Variants in AUH observed in about 807,000 individuals in gnomAD.
The protein encoded by AUH is methylglutaconyl-CoA hydratase, mitochondrial.
Under a neutral mutation model 42.3 loss-of-function variants are expected in AUH, and 29 were observed. That is an observed-to-expected ratio of 0.69 (90% CI 0.51 to 0.93). The LOEUF (loss-of-function observed/expected upper bound fraction) is 0.93. Ranked by LOEUF, AUH falls within the 40% of genes least tolerant of loss-of-function variation. AUH has a pLI of 0.00. For missense variants in AUH, 452 were observed against 438.1 expected, an observed-to-expected ratio of 1.03 and a Z score of -0.28; for synonymous variants, 174 against 166.4, an observed-to-expected ratio of 1.05 and a Z score of -0.35.
At chr9:91,318,175 G>A (rs939606357) in intron 4 of AUH, among the ~76,000 whole-genome samples, 2 of 151,822 alleles carry the variant, frequency 1.3e-5, no homozygotes, top group African/African-American at 4.8e-5. Flanking sequence ...TTATGCATTG[G>A]GTAAAACATC....
chr9:91,285,899 AC>A (rs1420956152), intron 6 of AUH, among the ~76,000 whole-genome samples: 1 of 152,160 alleles, frequency 6.6e-6, no homozygotes, highest in Non-Finnish European at 1.5e-5. Flanking sequence ...TAAGGAAGTC[AC>A]CTGGGGAAGT....
chr9:91,291,734 A>C (rs972806805), intron 6 of AUH, among the ~76,000 whole-genome samples: 3 of 152,190 alleles, frequency 2.0e-5, no homozygotes, highest in Admixed American at 6.5e-5. Flanking sequence ...TTTAATGATA[A>C]GGTTAACCAC....
chr9:91,231,224 G>A (rs13299818), intron 6 of AUH, among the ~76,000 whole-genome samples: 6 of 152,310 alleles, frequency 3.9e-5, no homozygotes, highest in Middle Eastern at 6.8e-3. Context: ...AGGACCCTCC[G>A]AGCCAGGTGC....
At chr9:91,353,541 GATTTT>G (rs1832156949) in intron 3 of AUH, among the ~76,000 whole-genome samples, 1 of 152,172 alleles carries the variant, frequency 6.6e-6, no homozygotes, top group Non-Finnish European at 1.5e-5. Flanking sequence ...AATGTAAAGA[GATTTT>G]ATTTACCTAT....
At chr9:91,313,980 C>T (rs367628815) in intron 4 of AUH, among the ~76,000 whole-genome samples, 11 of 151,898 alleles carry the variant, frequency 7.2e-5, no homozygotes, top group African/African-American at 2.2e-4. Context: ...CGTGCCACCA[C>T]GCCTGGCTAA....
intron 6 of AUH, among the ~76,000 whole-genome samples, chr9:91,253,828 C>A (rs1186764947): frequency 6.6e-6 from 1 of 152,164 alleles, no homozygotes; most frequent in Non-Finnish European, 1.5e-5. Flanking sequence ...TCTTTGTATA[C>A]TTTAAAGTGT....
chr9:91,257,154 A>G (rs1156854701), intron 6 of AUH, among the ~76,000 whole-genome samples: 6 of 152,168 alleles, frequency 3.9e-5, no homozygotes, highest in Non-Finnish European at 8.8e-5. Flanking sequence ...ATGTAGAGCT[A>G]AAATGGTTAC....
intron 1 of AUH, chr9:91,360,324 T>C (rs1587939782): frequency 6.6e-6 from 1 of 152,266 alleles, no homozygotes; most frequent in African/African-American, 2.4e-5. Context: ...AGTGCTAGTC[T>C]ATGCTTCCAG....
At chr9:91,330,977 T>C (rs552667230) in intron 3 of AUH, among the ~76,000 whole-genome samples, 1 of 152,338 alleles carries the variant, frequency 6.6e-6, no homozygotes, top group Non-Finnish European at 1.5e-5. Context: ...TACAGAATTA[T>C]GTGCTTTTAA....
At chr9:91,252,827 C>A (rs1431413272) in intron 6 of AUH, among the ~76,000 whole-genome samples, 4 of 152,180 alleles carry the variant, frequency 2.6e-5, no homozygotes, top group Admixed American at 2.6e-4. Flanking sequence ...GGTACCAAAA[C>A]AATCTTTTAA....
chr9:91,285,313 G>A (rs968154948), intron 6 of AUH, among the ~76,000 whole-genome samples: 1 of 151,946 alleles, frequency 6.6e-6, no homozygotes, highest in Non-Finnish European at 1.5e-5. Context: ...CCTGTCATGG[G>A]GTGGGGGAAG....
chr9:91,281,544 T>C (rs1265376874), intron 6 of AUH, among the ~76,000 whole-genome samples: 1 of 152,164 alleles, frequency 6.6e-6, no homozygotes, highest in Non-Finnish European at 1.5e-5. Context: ...TACTTAAAAG[T>C]GTACTTGATA....
chr9:91,260,647 T>C (rs976441799), intron 6 of AUH, among the ~76,000 whole-genome samples: 4 of 152,216 alleles, frequency 2.6e-5, no homozygotes, highest in African/African-American at 9.6e-5. Flanking sequence ...ACAATAGAAG[T>C]CTTGCAGAAG....
chr9:91,220,924 C>T lies in AUH; in HGVS notation c.724G>A (p.Val242Ile). 6.2e-7 allele frequency: 1 copy of T among 1,614,232 alleles called. No homozygotes were observed. Among genetic ancestry groups the T allele is most frequent in the Non-Finnish European group, 8.5e-7 (1 of 1,180,040 alleles). Residue 242 changes from valine to isoleucine, a missense_variant, in exon 7 of 10, where the codon GTC (valine) becomes ATC (isoleucine). Transcript: ENST00000375731. ...LAKELIFSAR[V>I]LDGKEAKAVG... ...GCTTTGGCTTCTTTGCCATCGAGGA[C>T]TCGCGCAGAGAATATGAGCTCCTTG... is the stretch of plus-strand genomic sequence containing the variant.
At chr9:91,361,355 C>A (rs1028619608) in intron 1 of AUH, among the ~76,000 whole-genome samples, 1 of 152,196 alleles carries the variant, frequency 6.6e-6, no homozygotes, top group Non-Finnish European at 1.5e-5. Flanking sequence ...GAGCGGAGGG[C>A]GTAAGCTGCA....
At chr9:91,352,847 T>C (rs1260344889) in intron 3 of AUH, among the ~76,000 whole-genome samples, 1 of 152,210 alleles carries the variant, frequency 6.6e-6, no homozygotes, top group Non-Finnish European at 1.5e-5. Flanking sequence ...TTTGCTGTGT[T>C]CTGAGAATGT....
At chr9:91,277,090 C>T (rs981443143) in intron 6 of AUH, among the ~76,000 whole-genome samples, 2 of 151,916 alleles carry the variant, frequency 1.3e-5, no homozygotes, top group Non-Finnish European at 2.9e-5. Context: ...CTTGGAATGC[C>T]GAGATGGGAA....
intron 3 of AUH, among the ~76,000 whole-genome samples, chr9:91,332,858 T>A (rs1057467915): frequency 6.6e-5 from 10 of 152,230 alleles, no homozygotes; most frequent in Admixed American, 6.5e-5. Flanking sequence ...GGCAGAGTTT[T>A]CAGCCCTCTG....
chr9:91,220,801 A>G lies in AUH; in HGVS notation c.843+4T>C, dbSNP rs1827087009. The G allele has an allele frequency of 1.9e-6, 3 of 1,613,944 alleles. No individual in the cohort carries two copies. Among genetic ancestry groups the G allele is most frequent in the African/African-American group, 1.3e-5 (1 of 74,948 alleles). Reference sequence around the variant, plus strand: ...AAAAAATAAACTCATTTAATGAGAAATACCTGAGGTAAAAACTCTCTCGCC... The same window carrying G: ...AAAAAATAAACTCATTTAATGAGAAGTACCTGAGGTAAAAACTCTCTCGCC... On this transcript the variant is annotated splice_donor_region_variant and intron_variant, in intron 7 of 9. Transcript: ENST00000375731.
Sources: allele counts gnomAD v4.1 joint callset (sites outside exome capture counted in the v4.1 genomes callset), GRCh38; gene constraint gnomAD v4.1.1; transcripts MANE v1.5; gene names NCBI Gene and HGNC (gene_info 2026-07-23, HGNC 2026-07-21).